The following NEMP2 variants were observed in gnomAD, a reference collection of about 807,000 sequenced individuals.
NEMP2 encodes nuclear envelope integral membrane protein 2.
A neutral mutation model predicts 54.2 loss-of-function variants in NEMP2; 53 were observed. The observed-to-expected ratio is 0.98, with a 90% CI of 0.78 to 1.23. The LOEUF is 1.23. Among genes scored for constraint, NEMP2 ranks in the 50% most tolerant of loss-of-function variants. The pLI is 0.00. For synonymous variants in NEMP2, 197 were observed against 190.3 expected, an observed-to-expected ratio of 1.04 and a Z score of -0.29; for missense variants, 455 against 511.3, an observed-to-expected ratio of 0.89 and a Z score of 1.06.
chr2:190,544,695 G>A, the NEMP2 span, among the ~76,000 whole-genome samples: 1 of 152,070 alleles, frequency 6.6e-6, no homozygotes, highest in Non-Finnish European at 1.5e-5. Context: ...AGTATAATCA[G>A]TTAATCTGAA....
chr2:190,621,005 A>G, the NEMP2 span, among the ~76,000 whole-genome samples: 1 of 152,246 alleles, frequency 6.6e-6, no homozygotes, highest in Admixed American at 6.5e-5. Flanking sequence ...ATTCATTCAT[A>G]GTAGCACTAA....
intron 6 of NEMP2, among the ~76,000 whole-genome samples, chr2:190,515,403 A>T (rs1690517978): frequency 6.6e-6 from 1 of 152,236 alleles, no homozygotes; most frequent in Admixed American, 6.5e-5. Context: ...TTTACAGGAC[A>T]AAACAGATAC....
chr2:190,427,825 G>A, the NEMP2 span, among the ~76,000 whole-genome samples: 1 of 151,954 alleles, frequency 6.6e-6, no homozygotes, highest in African/African-American at 2.4e-5. Flanking sequence ...CCCACCTCCT[G>A]GGTTCAAGCG....
chr2:190,454,494 A>G, the NEMP2 span: 1 of 152,140 alleles, frequency 6.6e-6, no homozygotes, highest in Non-Finnish European at 1.5e-5. The surrounding 1 kb of genome is among the most constrained non-coding windows in gnomAD (Gnocchi z 4.6). Context: ...AATACATGCT[A>G]GAGAGCTTGC....
the NEMP2 span, among the ~76,000 whole-genome samples, chr2:190,643,493 A>G: frequency 1.2e-4 from 18 of 152,304 alleles, no homozygotes; most frequent in African/African-American, 4.1e-4. Flanking sequence ...TGGCTCTCCC[A>G]TGTTACCTAA....
the NEMP2 span, chr2:190,437,496 T>C: frequency 5.0e-6 from 8 of 1,614,088 alleles, no homozygotes; most frequent in African/African-American, 8.0e-5. This position sits in a 1 kb window ranked among gnomAD's most constrained non-coding sequence, Gnocchi z 5.9. Context: ...CAGTCCTGAG[T>C]CATGTGTCTG....
chr2:190,647,604 A>C, the NEMP2 span, among the ~76,000 whole-genome samples: 1 of 152,162 alleles, frequency 6.6e-6, no homozygotes, highest in Admixed American at 6.5e-5. Context: ...CACAATGCTA[A>C]AATTCTTTAA....
At chr2:190,448,602 C>T in the NEMP2 span, among the ~76,000 whole-genome samples, 24 of 152,016 alleles carry the variant, frequency 1.6e-4, no homozygotes, top group Admixed American at 1.4e-3. Context: ...CAAATGTTAA[C>T]GATAAATTTT....
chr2:190,423,529 C>T, the NEMP2 span, among the ~76,000 whole-genome samples: 1 of 152,118 alleles, frequency 6.6e-6, no homozygotes, highest in Admixed American at 6.5e-5. The surrounding 1 kb of genome is among the most constrained non-coding windows in gnomAD (Gnocchi z 4.3). Context: ...TTAATTAGTC[C>T]TTCCATCCTT....
the NEMP2 span, among the ~76,000 whole-genome samples, chr2:190,441,050 C>T: frequency 6.6e-6 from 1 of 152,120 alleles, no homozygotes; most frequent in East Asian, 1.9e-4. Flanking sequence ...GCCGGGTGTT[C>T]AATGTGAGCT....
the NEMP2 span, chr2:190,497,756 C>T: frequency 1.3e-6 from 2 of 1,579,684 alleles, no homozygotes; most frequent in South Asian, 1.1e-5. The surrounding 1 kb of genome is among the most constrained non-coding windows in gnomAD (Gnocchi z 5.2). Context: ...TATTACCTGT[C>T]ACTCAAGATA....
chr2:190,435,512 G>A, the NEMP2 span, among the ~76,000 whole-genome samples: 1 of 152,192 alleles, frequency 6.6e-6, no homozygotes, highest in Non-Finnish European at 1.5e-5. Flanking sequence ...TTACATTTGT[G>A]GTTGTGGTTA....
At chr2:190,605,241 A>G in the NEMP2 span, among the ~76,000 whole-genome samples, 1 of 152,136 alleles carries the variant, frequency 6.6e-6, no homozygotes, top group Non-Finnish European at 1.5e-5. Flanking sequence ...GGCATGGTAT[A>G]GAGGACCAAC....
In NEMP2 at chr2:190,534,547, G is replaced by GA. The variant is rs1691293653; in HGVS notation, c.97+11_97+12insT. ...ACGCACGCGCGCGCCGCCGCCGCCG[G>GA]TCCCGGGTTACCTGATAACGCTGCC... On this transcript the variant is annotated intron_variant, in intron 1 of 8. Coordinates refer to ENST00000409150, the MANE Select transcript of NEMP2 (RefSeq NM_001142645.2). 7.2e-7 allele frequency: 1 copy of GA among 1,393,224 alleles called. No individual in the cohort carries two copies. The highest frequency in any genetic ancestry group is 9.3e-7 in the Non-Finnish European group (1 of 1,076,960). 86.3% of individuals were successfully genotyped at this position (1,393,224 alleles called of 1,614,324 possible).
the NEMP2 span, chr2:190,628,349 T>G: frequency 6.6e-6 from 1 of 152,204 alleles, no homozygotes; most frequent in East Asian, 1.9e-4. The surrounding 1 kb of genome is among the most constrained non-coding windows in gnomAD (Gnocchi z 4.1). Context: ...GAGAGGGGTC[T>G]GATGGAGGAC....
chr2:190,430,359 G>A, the NEMP2 span, among the ~76,000 whole-genome samples: 67,151 of 149,326 alleles, frequency 0.45, 15,513 homozygotes, highest in Admixed American at 0.6. Flanking sequence ...GCGGCCTTCC[G>A]CAGTGTTTGT....
At chr2:190,577,884 C>G in the NEMP2 span, among the ~76,000 whole-genome samples, 1 of 152,034 alleles carries the variant, frequency 6.6e-6, no homozygotes, top group African/African-American at 2.4e-5. This position sits in a 1 kb window ranked among gnomAD's most constrained non-coding sequence, Gnocchi z 4.8. Context: ...AAAACAAAAA[C>G]AAAAACAAAA....
the NEMP2 span, among the ~76,000 whole-genome samples, chr2:190,631,660 C>T: frequency 3.3e-5 from 5 of 152,184 alleles, no homozygotes; most frequent in Admixed American, 6.5e-5. Context: ...CACAAAACCA[C>T]TTTATTGTTA....
At chr2:190,590,928 A>G in the NEMP2 span, among the ~76,000 whole-genome samples, 594 of 152,288 alleles carry the variant, frequency 3.9e-3, 3 homozygotes, top group African/African-American at 0.014. The surrounding 1 kb of genome is among the most constrained non-coding windows in gnomAD (Gnocchi z 5.1). Context: ...TATTCCCACA[A>G]TGAAGAACAG....
Sources: allele counts gnomAD v4.1 joint callset (sites outside exome capture counted in the v4.1 genomes callset), GRCh38; gene constraint gnomAD v4.1.1; non-coding constraint Gnocchi (gnomAD v3.1); transcripts MANE v1.5; gene names NCBI Gene and HGNC (gene_info 2026-07-23, HGNC 2026-07-21).